Variants in SYN3 observed in about 807,000 individuals in gnomAD.
SYN3 encodes the protein synapsin III, also known as synapsin-3.
In SYN3, 35 loss-of-function variants were observed where a neutral mutation model predicts 65.8. The observed-to-expected ratio is 0.53, with a 90% CI of 0.41 to 0.70. The LOEUF (loss-of-function observed/expected upper bound fraction) is 0.70. Ranked by LOEUF, SYN3 falls within the 30% of genes least tolerant of loss-of-function variation. The pLI is 0.00. For synonymous variants in SYN3, 270 were observed against 292.9 expected (o/e 0.92, Z 0.80); for missense variants, 680 against 749.0 (o/e 0.91, Z 1.08).
intron 2 of SYN3, among the ~76,000 whole-genome samples, chr22:33,003,188 T>C (rs2053110530): frequency 6.6e-6 from 1 of 152,212 alleles, no homozygotes. Flanking sequence ...AGTGTGAGAA[T>C]GGACTAATAT....
Position 32,541,498 on chromosome 22 carries a change from A to T in SYN3, c.917+73T>A, listed in dbSNP as rs564978453. The T allele has an allele frequency of 3.2e-6, 5 of 1,577,604 alleles. 1 individual carries two copies. The South Asian group carries it at 5.7e-5, about 18-fold the overall frequency. On this transcript the variant is annotated intron_variant, in intron 8 of 13. Coordinates refer to ENST00000358763, the MANE Select transcript of SYN3 (RefSeq NM_003490.4). ...ATAATGATGCACCCTTGGGTGCAGGAGACAGCGGCTGGACATGCACCTCTG... is the reference window on the plus strand; with the variant it reads ...ATAATGATGCACCCTTGGGTGCAGGTGACAGCGGCTGGACATGCACCTCTG...
intron 6 of SYN3, among the ~76,000 whole-genome samples, chr22:32,699,110 C>A (rs1461122587): frequency 4.6e-5 from 7 of 152,186 alleles, no homozygotes; most frequent in African/African-American, 1.7e-4. Flanking sequence ...AGAGCTTGGC[C>A]CAGGGTCTCC....
chr22:33,013,467 T>C (rs1370957577), intron 1 of SYN3, among the ~76,000 whole-genome samples: 1 of 152,206 alleles, frequency 6.6e-6, no homozygotes, highest in Non-Finnish European at 1.5e-5. Context: ...ATTATATATA[T>C]TTCTGTGATG....
At chr22:32,967,115 T>G (rs921773210) in intron 3 of SYN3, among the ~76,000 whole-genome samples, 1 of 152,088 alleles carries the variant, frequency 6.6e-6, no homozygotes, top group Non-Finnish European at 1.5e-5. Context: ...ATGAAATGCT[T>G]AGCGTGTGCC....
chr22:32,712,613 T>C (rs2060981430), intron 6 of SYN3, among the ~76,000 whole-genome samples: 1 of 152,172 alleles, frequency 6.6e-6, no homozygotes. Context: ...AGAAACTCTG[T>C]TGTGGCATTT....
intron 6 of SYN3, among the ~76,000 whole-genome samples, chr22:32,689,834 G>A (rs931225946): frequency 6.6e-6 from 1 of 152,102 alleles, no homozygotes; most frequent in Admixed American, 6.5e-5. Context: ...GAAGTGATTC[G>A]TCATCAGGGC....
At chr22:32,693,054 A>C (rs1183978791) in intron 6 of SYN3, among the ~76,000 whole-genome samples, 1 of 152,100 alleles carries the variant, frequency 6.6e-6, no homozygotes, top group Non-Finnish European at 1.5e-5. Flanking sequence ...GGACTCCTGA[A>C]ACCTCAGATA....
At chr22:32,621,297 CT>C (rs58499520) in intron 6 of SYN3, among the ~76,000 whole-genome samples, 14,182 of 140,846 alleles carry the variant, frequency 0.1, 1,458 homozygotes, top group African/African-American at 0.27. Context: ...TAACTTTTGC[CT>C]TTTTTTTTTT....
intron 6 of SYN3, among the ~76,000 whole-genome samples, chr22:32,662,674 G>C (rs931752277): frequency 6.6e-6 from 1 of 152,130 alleles, no homozygotes; most frequent in African/African-American, 2.4e-5. Flanking sequence ...TAATACAATA[G>C]CATTAACACA....
In SYN3 at chr22:32,596,743, G is replaced by C; in HGVS notation, c.712-7C>G. On this transcript the variant is annotated splice_polypyrimidine_tract_variant and splice_region_variant and intron_variant, in intron 6 of 13. Transcript: ENST00000358763. ...GGAAGTGTGGGGCTGTGACCTGAAA[G>C]AGACAAGAAGAAGTCACTCTTAACA... The C allele has an allele frequency of 6.2e-7, 1 of 1,613,796 alleles. No individual in the cohort carries two copies. Among genetic ancestry groups the C allele is most frequent in the Non-Finnish European group, 8.5e-7 (1 of 1,179,812 alleles).
At chr22:32,533,046 A>T (rs1305929531) in intron 10 of SYN3, among the ~76,000 whole-genome samples, 1 of 151,548 alleles carries the variant, frequency 6.6e-6, no homozygotes, top group Non-Finnish European at 1.5e-5. Flanking sequence ...CACTGGGAAG[A>T]CATGGAGGAG....
chr22:32,539,899 C>A (rs1473055560), intron 8 of SYN3, among the ~76,000 whole-genome samples: 1 of 152,016 alleles, frequency 6.6e-6, no homozygotes, highest in African/African-American at 2.4e-5. Flanking sequence ...CAGGAACGCA[C>A]TGGAATGGGC....
In SYN3 at chr22:32,871,840, TTGGTCTTGAACC is replaced by T. The variant is rs2048857689; in HGVS notation, c.462-2727_462-2716del. Among the ~76,000 whole-genome samples the T allele has an allele frequency of 2.0e-5, 3 of 152,202 alleles. 1 individual carries two copies. Among genetic ancestry groups the T allele is most frequent in the Admixed American group, 2.0e-4 (3 of 15,284 alleles). On this transcript the variant is annotated intron_variant, in intron 4 of 13. Coordinates refer to ENST00000358763, the MANE Select transcript of SYN3 (RefSeq NM_003490.4). ...AGATGAGATTTTGCTGTTACCCAGG[TTGGTCTTGAACC>T]TCTGAACTTAAGTGATCCTCCTGCC...
chr22:33,021,785 T>TTA (rs1491487162), intron 1 of SYN3, among the ~76,000 whole-genome samples: 1 of 4,962 alleles, frequency 2.0e-4, no homozygotes, highest in South Asian at 2.5e-3. Context: ...CTGTAACTTA[T>TTA]TTTTTTTTTT....
intron 6 of SYN3, chr22:32,861,887 T>C (rs1328759351): frequency 6.6e-6 from 1 of 152,662 alleles, no homozygotes; most frequent in African/African-American, 2.4e-5. Context: ...TCTTGTGTCA[T>C]GTGTAGGCTG....
intron 7 of SYN3, among the ~76,000 whole-genome samples, chr22:32,552,420 CT>C (rs968943500): frequency 5.8e-5 from 8 of 138,252 alleles, no homozygotes; most frequent in African/African-American, 8.1e-5. Context: ...AAAGGTTTTT[CT>C]TTTTTTTTTC....
At chr22:32,820,353 C>CGTGTGTGT (rs35230068) in intron 6 of SYN3, among the ~76,000 whole-genome samples, 3 of 141,780 alleles carry the variant, frequency 2.1e-5, no homozygotes, top group East Asian at 2.1e-4. Flanking sequence ...CATTCCACTG[C>CGTGTGTGT]GTGTGTGTGT....
rs974207741 is a variant in SYN3 at position 32,798,181 on chromosome 22, G to T, written c.711+66734C>A. Among the ~76,000 whole-genome samples, 3 of 152,048 alleles carry T rather than the reference G, an allele frequency of 2.0e-5. No homozygotes were observed. The East Asian group carries it at 5.8e-4, about 29-fold the overall frequency. ...TGTATTGCTTCTGATTGGCTCAGAGGGTGATTATTATCATGGTAGAGAATT... is the reference window on the plus strand; with the variant it reads ...TGTATTGCTTCTGATTGGCTCAGAGTGTGATTATTATCATGGTAGAGAATT... On this transcript the variant is annotated intron_variant, in intron 6 of 13. Transcript: ENST00000358763.
chr22:32,717,302 GT>G (rs1457839208), intron 6 of SYN3, among the ~76,000 whole-genome samples: 1 of 152,176 alleles, frequency 6.6e-6, no homozygotes, highest in Non-Finnish European at 1.5e-5. Context: ...AAAGACCCCT[GT>G]AAGGTCCCTT....
Sources: allele counts gnomAD v4.1 joint callset (sites outside exome capture counted in the v4.1 genomes callset), GRCh38; gene constraint gnomAD v4.1.1; transcripts MANE v1.5; gene names NCBI Gene and HGNC (gene_info 2026-07-23, HGNC 2026-07-21).